Variants in SUPT3H observed in about 807,000 individuals in gnomAD.
SUPT3H encodes the protein SPT3 homolog, SAGA and STAGA complex component.
A neutral mutation model predicts 44.3 loss-of-function variants in SUPT3H; 44 were observed. The observed-to-expected ratio is 0.99, with a 90% CI of 0.78 to 1.28. The LOEUF (loss-of-function observed/expected upper bound fraction) is 1.28, where lower values mean the gene tolerates loss of function less well. SUPT3H is among the 50% of genes most tolerant of loss of function. The pLI, the probability that SUPT3H is intolerant of heterozygous loss-of-function variation, is 0.00. For missense variants in SUPT3H, 380 were observed against 387.1 expected (o/e 0.98, Z 0.15); for synonymous variants, 124 against 125.6 (o/e 0.99, Z 0.09).
intron 3 of SUPT3H, among the ~76,000 whole-genome samples, chr6:45,038,072 G>C (rs943154612): frequency 6.6e-6 from 1 of 152,104 alleles, no homozygotes; most frequent in Non-Finnish European, 1.5e-5. Context: ...TATTAGATGG[G>C]AAGGAATCCA....
At chr6:44,999,813 T>C (rs934044900) in intron 6 of SUPT3H, among the ~76,000 whole-genome samples, 1 of 152,148 alleles carries the variant, frequency 6.6e-6, no homozygotes, top group East Asian at 1.9e-4. Context: ...ATATTTTCAC[T>C]ATAGGTGTAT....
chr6:44,912,819 C>G (rs1474529860), intron 10 of SUPT3H, among the ~76,000 whole-genome samples: 1 of 152,178 alleles, frequency 6.6e-6, no homozygotes, highest in Admixed American at 6.6e-5. Context: ...AGGAAATGAA[C>G]ACTGGCTCTG....
chr6:45,080,480 C>T (rs1326108016), intron 3 of SUPT3H, among the ~76,000 whole-genome samples: 1 of 152,032 alleles, frequency 6.6e-6, no homozygotes, highest in Non-Finnish European at 1.5e-5. Flanking sequence ...GAAAAGATAT[C>T]TGCATTCCCG....
intron 2 of SUPT3H, among the ~76,000 whole-genome samples, chr6:45,158,298 A>ATTTTTTTTTTTTT (rs56882164): frequency 2.0e-5 from 2 of 99,694 alleles, no homozygotes; most frequent in African/African-American, 1.0e-4. Context: ...ATATATATAT[A>ATTTTTTTTTTTTT]TTTTTTTTTT....
intron 6 of SUPT3H, among the ~76,000 whole-genome samples, chr6:44,986,460 T>C (rs183699275): frequency 5.3e-5 from 8 of 152,288 alleles, no homozygotes; most frequent in South Asian, 2.1e-4. Context: ...CTACTACTAA[T>C]ACTATTGAGG....
At chr6:45,266,709 T>G (rs1775323022) in intron 2 of SUPT3H, among the ~76,000 whole-genome samples, 1 of 152,106 alleles carries the variant, frequency 6.6e-6, no homozygotes, top group Non-Finnish European at 1.5e-5. Flanking sequence ...TCAGAGACAC[T>G]ATATTCAGTC....
At chr6:45,007,571 T>C (rs1782887219) in intron 5 of SUPT3H, among the ~76,000 whole-genome samples, 4 of 152,190 alleles carry the variant, frequency 2.6e-5, no homozygotes, top group Admixed American at 2.6e-4. Flanking sequence ...GTGTTAACTC[T>C]AGAAAATCTC....
chr6:45,098,712 G>T, intron 3 of SUPT3H: 1 of 400,156 alleles, frequency 2.5e-6, no homozygotes, highest in South Asian at 2.0e-5. Context: ...CTCCCCATAT[G>T]TTGGTAGTCT....
At chr6:45,310,663 G>T (rs1465058494) in intron 2 of SUPT3H, among the ~76,000 whole-genome samples, 2 of 152,108 alleles carry the variant, frequency 1.3e-5, no homozygotes, top group Non-Finnish European at 2.9e-5. Context: ...TGGGTGGCTA[G>T]ACCCAGAAGA....
rs186833580 is a variant in SUPT3H, at chr6:45,303,566, T to C, written c.101+61635A>G. 2.4e-4 allele frequency among the ~76,000 whole-genome samples: 36 copies of C among 152,068 alleles called. No individual in the cohort carries two copies. The East Asian group carries it at 6.4e-3, about 27-fold the overall frequency. On this transcript the variant is annotated intron_variant, in intron 2 of 10. Transcript: ENST00000371459. ...ACTTTGAAACAACCAATTTGCTTTT[T>C]GTTTCTCGTTTCTGTTTTCTTCAGC...
chr6:45,232,407 G>A (rs1164905485), intron 2 of SUPT3H, among the ~76,000 whole-genome samples: 1 of 152,184 alleles, frequency 6.6e-6, no homozygotes, highest in Non-Finnish European at 1.5e-5. Flanking sequence ...AGACAGAGAT[G>A]CCAGGTGGGC....
At chr6:44,859,537 C>T (rs1390595382) in intron 10 of SUPT3H, among the ~76,000 whole-genome samples, 1 of 152,088 alleles carries the variant, frequency 6.6e-6, no homozygotes, top group African/African-American at 2.4e-5. Flanking sequence ...TACTATACCA[C>T]TCAGAATGTG....
chr6:44,889,291 C>G (rs1317612546), intron 10 of SUPT3H, among the ~76,000 whole-genome samples: 3 of 152,028 alleles, frequency 2.0e-5, no homozygotes, highest in South Asian at 2.1e-4. Context: ...GGAACCAAAA[C>G]AGAGCCCGCA....
intron 3 of SUPT3H, among the ~76,000 whole-genome samples, chr6:45,049,160 T>C (rs1789884163): frequency 6.6e-6 from 1 of 152,074 alleles, no homozygotes; most frequent in South Asian, 2.1e-4. Context: ...TTGTTACTTG[T>C]CAATTAAAAC....
At chr6:44,998,488 C>CT (rs746983232) in intron 6 of SUPT3H, among the ~76,000 whole-genome samples, 14 of 151,684 alleles carry the variant, frequency 9.2e-5, no homozygotes, top group African/African-American at 2.9e-4. Flanking sequence ...CGGTTTTTGC[C>CT]TTTTTAAATG....
intron 10 of SUPT3H, among the ~76,000 whole-genome samples, chr6:44,909,117 C>T (rs1766585037): frequency 7.3e-6 from 1 of 137,452 alleles, no homozygotes; most frequent in Non-Finnish European, 1.5e-5. Context: ...CTGCTCTATA[C>T]CTAAGAGGTG....
downstream of SUPT3H, among the ~76,000 whole-genome samples, chr6:44,822,267 C>T (rs1173158269): frequency 2.0e-5 from 3 of 152,170 alleles, no homozygotes; most frequent in East Asian, 1.9e-4. Flanking sequence ...AGAAAACAGA[C>T]ATTTTAATTT....
chr6:44,846,905 C>T (rs1270404566), intron 10 of SUPT3H, among the ~76,000 whole-genome samples: 1 of 152,190 alleles, frequency 6.6e-6, no homozygotes, highest in East Asian at 1.9e-4. Flanking sequence ...GCTGGGATTA[C>T]AGGCGTGAGG....
intron 10 of SUPT3H, among the ~76,000 whole-genome samples, chr6:44,842,503 T>C (rs1771109432): frequency 6.6e-6 from 1 of 152,184 alleles, no homozygotes; most frequent in Non-Finnish European, 1.5e-5. Flanking sequence ...GGCTAGTCAG[T>C]GCTGTCCAAT....
Sources: gnomAD v4.1 joint callset for allele counts (sites outside exome capture counted in the v4.1 genomes callset) on GRCh38, gnomAD v4.1.1 for gene constraint, MANE v1.5 for transcripts, NCBI Gene and HGNC (gene_info 2026-07-23, HGNC 2026-07-21) for gene names.